Variants in DAB1 observed in about 807,000 individuals in gnomAD.
DAB1 encodes DAB adaptor protein 1, also known as disabled homolog 1.
A neutral mutation model predicts 64.6 loss-of-function variants in DAB1; 15 were observed. The ratio of observed to expected loss-of-function variants is 0.23; its 90% confidence interval spans 0.16 to 0.36. The LOEUF (loss-of-function observed/expected upper bound fraction) is 0.36, where lower values mean the gene tolerates loss of function less well. DAB1 is among the 10% of genes least tolerant of loss of function. The probability of loss-of-function intolerance (pLI) is 1.00; values close to 1 mark genes in which losing one functional copy is unlikely to be tolerated. For synonymous variants in DAB1, 235 were observed against 251.9 expected, an observed-to-expected ratio of 0.93 and a Z score of 0.64; for missense variants, 596 against 706.7, an observed-to-expected ratio of 0.84 and a Z score of 1.78.
chr1:57,778,673 C>T (rs1031924311), intron 6 of DAB1, among the ~76,000 whole-genome samples: 3 of 152,036 alleles, frequency 2.0e-5, no homozygotes, highest in Admixed American at 6.6e-5. Flanking sequence ...TTCTTCCATT[C>T]GCCATCTGCG....
intron 1 of DAB1, among the ~76,000 whole-genome samples, chr1:57,403,148 G>A (rs1016447135): frequency 9.9e-5 from 15 of 152,178 alleles, no homozygotes; most frequent in African/African-American, 3.6e-4. Context: ...CCCGGCCATT[G>A]AGTATGAATT....
Position 58,322,815 on chromosome 1 carries a change from C to T in DAB1, n.309+20537G>A, listed in dbSNP as rs143656809. On this transcript the variant is annotated intron_variant and non_coding_transcript_variant, in intron 4 of 20. Coordinates refer to the DAB1 transcript ENST00000485760. ...CGTATGTTTATTGCCGCACTATTCA[C>T]AATAGCAAAGACTTGGAACCAACCC... Among the ~76,000 whole-genome samples the T allele has an allele frequency of 2.3e-3, 354 of 152,218 alleles. 3 individuals carry two copies. Among genetic ancestry groups the T allele is most frequent in the Admixed American group, 6.2e-3 (95 of 15,292 alleles).
rs570493171 is a variant in DAB1 at position 57,933,974 on chromosome 1, C to T, written n.388-49812G>A. Among the ~76,000 whole-genome samples, 21 of 151,906 alleles carry T rather than the reference C, an allele frequency of 1.4e-4. No individual in the cohort carries two copies. In the East Asian group the frequency reaches 4.1e-3, roughly 29 times the overall value. On this transcript the variant is annotated intron_variant and non_coding_transcript_variant, in intron 5 of 20. Transcript: ENST00000485760. ...GCAGTGGCGCGATCTTGGCTCACTG[C>T]AACCTCTGCCTCCCAGGTTCAAGCA...
intron 6 of DAB1, among the ~76,000 whole-genome samples, chr1:57,780,879 A>T (rs370686636): frequency 9.3e-5 from 14 of 150,410 alleles, no homozygotes; most frequent in African/African-American, 2.9e-4. Context: ...TGCACCCTCC[A>T]CCATGCCCAG....
At chr1:57,402,238 G>A (rs1040034863) in intron 1 of DAB1, among the ~76,000 whole-genome samples, 3 of 152,142 alleles carry the variant, frequency 2.0e-5, no homozygotes, top group Non-Finnish European at 4.4e-5. Flanking sequence ...GGCATAAATG[G>A]TGCTACAAAA....
chr1:58,069,871 A>T (rs17116827), intron 5 of DAB1, among the ~76,000 whole-genome samples: 4,891 of 152,212 alleles, frequency 0.032, 155 homozygotes, highest in East Asian at 0.13. Flanking sequence ...TCCAACACCT[A>T]TGCTTTTTTC....
intron 3 of DAB1, chr1:58,343,538 CAA>C (rs963118071): frequency 2.6e-5 from 4 of 152,198 alleles, no homozygotes; most frequent in Non-Finnish European, 4.4e-5. Context: ...AGTTTCAACA[CAA>C]ATAGATGGAA....
At chr1:57,037,931 G>A (rs1267065286) in intron 9 of DAB1, among the ~76,000 whole-genome samples, 1 of 152,184 alleles carries the variant, frequency 6.6e-6, no homozygotes, top group Non-Finnish European at 1.5e-5. Flanking sequence ...TATCTGTGCT[G>A]TCCAATACAG....
chr1:57,181,461 T>C (rs547433086), intron 2 of DAB1, among the ~76,000 whole-genome samples: 2 of 152,302 alleles, frequency 1.3e-5, no homozygotes, highest in Admixed American at 6.5e-5. Flanking sequence ...CGAACACTTA[T>C]CTTGAAAATG....
At chr1:58,473,940 T>A in intron 3 of DAB1, 1 of 1,240,992 alleles carries the variant, frequency 8.1e-7, no homozygotes, top group Non-Finnish European at 1.1e-6. Context: ...CTGTTCTGGC[T>A]GTTCAATAAA....
chr1:57,142,610 A>ACG (rs972833356), intron 3 of DAB1, among the ~76,000 whole-genome samples: 4 of 148,280 alleles, frequency 2.7e-5, no homozygotes, highest in Non-Finnish European at 6.0e-5. Flanking sequence ...ACACACACAC[A>ACG]CACACACACA....
intron 4 of DAB1, among the ~76,000 whole-genome samples, chr1:58,152,102 G>A (rs532542632): frequency 6.6e-6 from 1 of 152,234 alleles, no homozygotes; most frequent in South Asian, 2.1e-4. Flanking sequence ...AGATACATCA[G>A]GCAAATATAT....
chr1:57,516,421 T>C (rs1644464184), intron 7 of DAB1, among the ~76,000 whole-genome samples: 1 of 152,202 alleles, frequency 6.6e-6, no homozygotes, highest in African/African-American at 2.4e-5. Flanking sequence ...CGAAATTCAC[T>C]AGTATAGGAA....
intron 7 of DAB1, among the ~76,000 whole-genome samples, chr1:57,532,801 C>T (rs766130611): frequency 1.3e-5 from 2 of 152,126 alleles, no homozygotes; most frequent in Non-Finnish European, 2.9e-5. Context: ...ATTAAGACAG[C>T]ACAGGTAAAA....
At chr1:57,218,722 G>A (rs1666631004) in intron 2 of DAB1, among the ~76,000 whole-genome samples, 1 of 151,966 alleles carries the variant, frequency 6.6e-6, no homozygotes. Context: ...AGCCTGTTCT[G>A]TGTTCACAGT....
chr1:58,263,822 C>T (rs1416434083), intron 4 of DAB1, among the ~76,000 whole-genome samples: 1 of 152,184 alleles, frequency 6.6e-6, no homozygotes, highest in Non-Finnish European at 1.5e-5. Context: ...ATTGTAGAAG[C>T]TCTATTAGTG....
At chr1:57,204,450 TTA>T (rs1491289968) in intron 2 of DAB1, among the ~76,000 whole-genome samples, 88 of 110,726 alleles carry the variant, frequency 7.9e-4, no homozygotes, top group African/African-American at 2.9e-3. Flanking sequence ...TGGTCTAGAT[TTA>T]AAAAAAAAAA....
intron 4 of DAB1, among the ~76,000 whole-genome samples, chr1:58,196,195 T>A (rs1297914274): frequency 6.6e-6 from 1 of 152,062 alleles, no homozygotes; most frequent in African/African-American, 2.4e-5. Context: ...ATTACAAGCA[T>A]AGGAAGTAGC....
At chr1:58,385,089 A>C (rs544943769) in intron 3 of DAB1, among the ~76,000 whole-genome samples, 1 of 152,360 alleles carries the variant, frequency 6.6e-6, no homozygotes, top group South Asian at 2.1e-4. Flanking sequence ...CTTACTATAA[A>C]AACAAGCACA....
Sources: allele counts gnomAD v4.1 joint callset (sites outside exome capture counted in the v4.1 genomes callset), GRCh38; gene constraint gnomAD v4.1.1; transcripts MANE v1.5; gene names NCBI Gene and HGNC (gene_info 2026-07-23, HGNC 2026-07-21).